SEMA3D: variants seen among roughly 807,000 people sequenced by gnomAD.
SEMA3D encodes the protein semaphorin 3D.
A neutral mutation model predicts 100.1 loss-of-function variants in SEMA3D; 84 were observed. The ratio of observed to expected loss-of-function variants is 0.84; its 90% CI spans 0.70 to 1.01. SEMA3D has a LOEUF of 1.01. Ranked by LOEUF, SEMA3D falls within the 50% of genes least tolerant of loss-of-function variation. The probability of loss-of-function intolerance (pLI) is 0.00; values close to 1 mark genes in which losing one functional copy is unlikely to be tolerated. For synonymous variants in SEMA3D, 312 were observed against 320.7 expected, an observed-to-expected ratio of 0.97 and a Z score of 0.29; for missense variants, 875 against 934.1, an observed-to-expected ratio of 0.94 and a Z score of 0.82.
At chr7:85,142,682 T>G (rs1356158206) in intron 2 of SEMA3D, 1 of 982,714 alleles carries the variant, frequency 1.0e-6, no homozygotes, top group Non-Finnish European at 1.2e-6. Context: ...GCATTTTTTT[T>G]TTTTTTTTTT....
At chr7:85,086,056 T>G (rs575607025) in intron 4 of SEMA3D, among the ~76,000 whole-genome samples, 10 of 152,242 alleles carry the variant, frequency 6.6e-5, no homozygotes, top group Middle Eastern at 6.8e-3. Context: ...CAAAGAAAAT[T>G]TTACTTCTTA....
chr7:85,146,266 A>C (rs774378199), intron 2 of SEMA3D, among the ~76,000 whole-genome samples: 33 of 152,124 alleles, frequency 2.2e-4, no homozygotes, highest in Admixed American at 2.1e-3. Flanking sequence ...TACTAGTAAA[A>C]ATCCTTAGCC....
intron 1 of SEMA3D, among the ~76,000 whole-genome samples, chr7:85,170,670 C>T (rs1483169917): frequency 2.0e-5 from 3 of 151,766 alleles, no homozygotes; most frequent in Admixed American, 6.6e-5. Context: ...ATAGTCTAGC[C>T]CATATCACAT....
intron 2 of SEMA3D, among the ~76,000 whole-genome samples, chr7:85,150,810 A>G (rs181684964): frequency 5.3e-5 from 8 of 152,140 alleles, no homozygotes; most frequent in African/African-American, 1.7e-4. Context: ...TTGTGGTGCC[A>G]CAATTAAGCC....
intron 4 of SEMA3D, among the ~76,000 whole-genome samples, chr7:85,083,687 A>G (rs1425840886): frequency 4.4e-4 from 64 of 146,742 alleles, no homozygotes; most frequent in South Asian, 1.3e-3. Context: ...TACTAAAAAT[A>G]CAAAAAAAAA....
At chr7:85,045,421 G>A (rs952834300) in intron 9 of SEMA3D, among the ~76,000 whole-genome samples, 4 of 151,824 alleles carry the variant, frequency 2.6e-5, no homozygotes, top group Admixed American at 6.6e-5. Flanking sequence ...TTAAGAAAAT[G>A]TATAATATAT....
chr7:85,168,821 GAAAGA>G, intron 1 of SEMA3D, among the ~76,000 whole-genome samples: 2 of 7,902 alleles, frequency 2.5e-4, no homozygotes, highest in Non-Finnish European at 4.2e-4. Flanking sequence ...AAAGAAAGAT[GAAAGA>G]AAGAAAGAAA....
chr7:85,147,201 C>T (rs1475449814), intron 2 of SEMA3D, among the ~76,000 whole-genome samples: 8 of 144,142 alleles, frequency 5.6e-5, no homozygotes, highest in African/African-American at 1.8e-4. Flanking sequence ...CTCCCGGGTT[C>T]AAGTGTTGCT....
chr7:85,235,148 T>C, the SEMA3D span, among the ~76,000 whole-genome samples: 1 of 152,196 alleles, frequency 6.6e-6, no homozygotes, highest in Non-Finnish European at 1.5e-5. Flanking sequence ...TATGGTATTA[T>C]TTTCCCTTTC....
At chr7:85,148,299 T>C (rs140841189) in intron 2 of SEMA3D, among the ~76,000 whole-genome samples, 165 of 152,290 alleles carry the variant, frequency 1.1e-3, no homozygotes, top group African/African-American at 3.4e-3. Context: ...CAACTTATAT[T>C]TTTTACTATT....
At chr7:85,185,255 G>C (rs1024163931) in intron 1 of SEMA3D, among the ~76,000 whole-genome samples, 3 of 151,948 alleles carry the variant, frequency 2.0e-5, no homozygotes, top group African/African-American at 7.2e-5. Context: ...AGCAGCACCA[G>C]ACCCAGGAGA....
chr7:85,104,788 AG>A (rs1284100167), intron 3 of SEMA3D, among the ~76,000 whole-genome samples: 3 of 151,544 alleles, frequency 2.0e-5, no homozygotes, highest in African/African-American at 4.9e-5. Flanking sequence ...TAAAAAAAAA[AG>A]AAAAGAAAAG....
At chr7:85,188,676 T>G (rs982510981), upstream of SEMA3D, among the ~76,000 whole-genome samples, 5 of 152,226 alleles carry the variant, frequency 3.3e-5, no homozygotes, top group Non-Finnish European at 5.9e-5. Flanking sequence ...GTCAGTTTAT[T>G]GGCCAGAATT....
At chr7:85,072,618 A>G (rs1480777118) in intron 6 of SEMA3D, among the ~76,000 whole-genome samples, 1 of 152,240 alleles carries the variant, frequency 6.6e-6, no homozygotes, top group Non-Finnish European at 1.5e-5. Context: ...TAGAAAAAAC[A>G]TTTTTAAACA....
At chr7:85,018,388 G>C (rs1790164149) in intron 14 of SEMA3D, 95 bp from the exon 15 acceptor site, 1 of 769,452 alleles carries the variant, frequency 1.3e-6, no homozygotes, top group South Asian at 1.5e-5. Context: ...TATCACTGAA[G>C]TAAACATCAA....
intron 4 of SEMA3D, among the ~76,000 whole-genome samples, chr7:85,082,515 A>G (rs953034331): frequency 1.3e-5 from 2 of 152,198 alleles, no homozygotes; most frequent in African/African-American, 4.8e-5. Flanking sequence ...CAAGCTCTAA[A>G]ATACTTATAA....
At chr7:85,238,741 C>A in the SEMA3D span, among the ~76,000 whole-genome samples, 1 of 152,074 alleles carries the variant, frequency 6.6e-6, no homozygotes, top group Non-Finnish European at 1.5e-5. Flanking sequence ...ACTTTCTGAG[C>A]TATTGTTTGG....
intron 9 of SEMA3D, among the ~76,000 whole-genome samples, chr7:85,053,388 T>TG (rs1268401309): frequency 6.6e-6 from 1 of 151,912 alleles, no homozygotes; most frequent in Non-Finnish European, 1.5e-5. Flanking sequence ...ATAATGACGC[T>TG]GGGGGGAAGA....
At chr7:85,109,709 A>T (rs1789037628) in intron 3 of SEMA3D, among the ~76,000 whole-genome samples, 1 of 151,970 alleles carries the variant, frequency 6.6e-6, no homozygotes, top group African/African-American at 2.4e-5. Flanking sequence ...TTTAAAAAAG[A>T]CCTAAGGACA....
Sources: allele counts gnomAD v4.1 joint callset (sites outside exome capture counted in the v4.1 genomes callset), GRCh38; gene constraint gnomAD v4.1.1; transcripts MANE v1.5; gene names NCBI Gene and HGNC (gene_info 2026-07-23, HGNC 2026-07-21).